The following MYO5B variants were observed in gnomAD, a reference collection of about 807,000 sequenced individuals.
MYO5B encodes the protein unconventional myosin-Vb.
Under a neutral mutation model 229.3 loss-of-function variants are expected in MYO5B, and 143 were observed. That is an observed-to-expected ratio of 0.62 (90% confidence interval 0.54 to 0.72). MYO5B has a LOEUF of 0.72. Ranked by LOEUF, MYO5B falls within the 30% of genes least tolerant of loss-of-function variation. The pLI, the probability that MYO5B is intolerant of heterozygous loss-of-function variation, is 0.00. For missense variants in MYO5B, 2,321 were observed against 2,331.0 expected (o/e 1.00, Z 0.09); for synonymous variants, 918 against 885.2 (o/e 1.04, Z -0.66).
intron 1 of MYO5B, among the ~76,000 whole-genome samples, chr18:50,075,944 G>T (rs1156705661): frequency 6.6e-6 from 1 of 152,212 alleles, no homozygotes; most frequent in East Asian, 1.9e-4. Context: ...GCTGCAGAAT[G>T]ATCAGAAGGG....
intron 4 of MYO5B, among the ~76,000 whole-genome samples, chr18:50,001,833 C>T (rs1333735309): frequency 1.3e-5 from 2 of 151,936 alleles, no homozygotes; most frequent in Non-Finnish European, 2.9e-5. Context: ...AGTTCGAGGC[C>T]ATCCTGGCTA....
At chr18:49,903,120 T>C (rs899401568) in intron 20 of MYO5B, among the ~76,000 whole-genome samples, 5 of 152,156 alleles carry the variant, frequency 3.3e-5, no homozygotes, top group African/African-American at 9.7e-5. Flanking sequence ...AACCTCAAGG[T>C]TGTAGGGGCC....
At chr18:50,003,790 A>C (rs1431580218) in intron 4 of MYO5B, among the ~76,000 whole-genome samples, 1 of 152,242 alleles carries the variant, frequency 6.6e-6, no homozygotes, top group Non-Finnish European at 1.5e-5. Flanking sequence ...GAATGTATCT[A>C]AGCCTTGATC....
At chr18:49,828,521 A>T (rs893525027) in intron 39 of MYO5B, among the ~76,000 whole-genome samples, 8 of 152,200 alleles carry the variant, frequency 5.3e-5, no homozygotes, top group Non-Finnish European at 1.2e-4. Flanking sequence ...TCATGGATAG[A>T]ACCAGATAGA....
At chr18:50,085,290 T>C (rs2031306888) in intron 1 of MYO5B, among the ~76,000 whole-genome samples, 1 of 152,136 alleles carries the variant, frequency 6.6e-6, no homozygotes, top group South Asian at 2.1e-4. Flanking sequence ...AAGACATTTA[T>C]GCAGCCAAAA....
intron 16 of MYO5B, among the ~76,000 whole-genome samples, chr18:49,932,363 G>C (rs1430050913): frequency 6.6e-6 from 1 of 152,170 alleles, no homozygotes; most frequent in African/African-American, 2.4e-5. Flanking sequence ...CCTGGAGCTG[G>C]TCCCCAGAAG....
At chr18:49,931,153 A>G (rs1598890841) in intron 16 of MYO5B, among the ~76,000 whole-genome samples, 1 of 152,278 alleles carries the variant, frequency 6.6e-6, no homozygotes, top group South Asian at 2.1e-4. Context: ...ATGGTGCTTG[A>G]TAGATGGTGC....
rs576118801 is a variant in MYO5B at position 49,934,838 on chromosome 18, C to A, written c.2003+1414G>T. On this transcript the variant is annotated intron_variant, in intron 16 of 39. Transcript: ENST00000285039. ...TGGAAGCCAAGCTTTATTACATGAC[C>A]AGAGTGTAGAAGGCAGTTCAGATAT... 2.2e-4 allele frequency among the ~76,000 whole-genome samples: 34 copies of A among 152,278 alleles called. 1 individual carries two copies. In the South Asian group the frequency reaches 6.4e-3, roughly 29 times the overall value.
rs373441927 is a variant in MYO5B, at chr18:49,827,581, G to T, written c.5395-958C>A. ...TAACCGCAGACTTGAGCAGGCAGAA[G>T]AAAATCAGTGAATTTGAAGATAAAG... On this transcript the variant is annotated intron_variant, in intron 39 of 39. Coordinates refer to ENST00000285039, the MANE Select transcript of MYO5B (RefSeq NM_001080467.3). 2.0e-4 allele frequency among the ~76,000 whole-genome samples: 30 copies of T among 152,166 alleles called. No individual in the cohort carries two copies. The East Asian group carries it at 4.4e-3, about 23-fold the overall frequency.
chr18:50,098,112 A>G (rs2031588363), intron 1 of MYO5B, among the ~76,000 whole-genome samples: 1 of 152,204 alleles, frequency 6.6e-6, no homozygotes, highest in African/African-American at 2.4e-5. Flanking sequence ...TCCCTTCGAA[A>G]TAAAATATTT....
rs558969751 is a variant in MYO5B at position 50,021,406 on chromosome 18, G to A, written c.455+15444C>T. Among the ~76,000 whole-genome samples, 185 of 152,260 alleles carry A rather than the reference G, an allele frequency of 1.2e-3. 2 individuals are homozygous for A. The highest frequency in any genetic ancestry group is 4.2e-3 in the African/African-American group (176 of 41,552). ...CACTAGTTCTGCCACTCACGAACTC[G>A]GTGCCTTTGGCCATCACTCTACCTC... On this transcript the variant is annotated intron_variant, in intron 4 of 39. Coordinates refer to ENST00000285039, the MANE Select transcript of MYO5B (RefSeq NM_001080467.3).
chr18:50,047,257 A>T (rs1045071421), intron 2 of MYO5B, among the ~76,000 whole-genome samples: 24 of 150,160 alleles, frequency 1.6e-4, no homozygotes, highest in Middle Eastern at 3.5e-3. Context: ...AAAACAAACA[A>T]CCCCATCAAA....
At chr18:50,102,871 C>T (rs1256188665) in intron 1 of MYO5B, among the ~76,000 whole-genome samples, 1 of 152,178 alleles carries the variant, frequency 6.6e-6, no homozygotes, top group Non-Finnish European at 1.5e-5. Context: ...CCAGCCTCAG[C>T]CCATAAGAGA....
Position 50,023,309 on chromosome 18 carries a change from A to G in MYO5B, c.455+13541T>C, listed in dbSNP as rs528677627. Among the ~76,000 whole-genome samples, 11 of 152,250 alleles carry G rather than the reference A, an allele frequency of 7.2e-5. No homozygotes were observed. In the East Asian group the frequency reaches 2.1e-3, roughly 29 times the overall value. The stretch of plus-strand genomic sequence containing the variant: ...CTGCCACTTAGCCTACATGACCTAG[A>G]CAAGTTTTTGAACTGCAGTGGGCCC... On this transcript the variant is annotated intron_variant, in intron 4 of 39. Coordinates refer to ENST00000285039, the MANE Select transcript of MYO5B (RefSeq NM_001080467.3).
At chr18:49,984,594 G>A in intron 8 of MYO5B, 124 bp downstream of exon 8, 2 of 767,246 alleles carry the variant, frequency 2.6e-6, no homozygotes, top group East Asian at 2.6e-5. Flanking sequence ...TTCACCAGGG[G>A]CAAGAGGGCA....
chr18:50,097,539 GAAC>G (rs2031575831), intron 1 of MYO5B: 1 of 281,222 alleles, frequency 3.6e-6, no homozygotes, highest in Non-Finnish European at 7.0e-6. Context: ...TGACTTCACT[GAAC>G]AACAACACTC....
chr18:49,840,367 C>T (rs1018700837), intron 35 of MYO5B: 11 of 152,308 alleles, frequency 7.2e-5, no homozygotes, highest in African/African-American at 2.6e-4. Context: ...TAAAAGCAGG[C>T]CATCAAATGA....
At chr18:50,116,307 A>G (rs1379355145) in intron 1 of MYO5B, among the ~76,000 whole-genome samples, 1 of 152,128 alleles carries the variant, frequency 6.6e-6, no homozygotes, top group Non-Finnish European at 1.5e-5. Context: ...TCACTAGTCA[A>G]CAGTCATCAC....
chr18:49,929,413 T>C lies in MYO5B; in HGVS notation c.2090+99A>G, dbSNP rs2298627. Reference sequence around the variant, plus strand: ...AATGTTTGGGAACCGTTTTGAAGGATCTGTTTCTGGCCGACGGTACACAGA... The same window carrying C: ...AATGTTTGGGAACCGTTTTGAAGGACCTGTTTCTGGCCGACGGTACACAGA... On this transcript the variant is annotated intron_variant, in intron 17 of 39. Transcript: ENST00000285039. The C allele has an allele frequency of 0.072, 66,655 of 922,706 alleles. 6,035 individuals are homozygous for C. Among genetic ancestry groups the C allele is most frequent in the East Asian group, 0.36 (13,900 of 38,174 alleles). 57.2% of individuals were successfully genotyped at this position (922,706 alleles called of 1,614,324 possible).
Sources: gnomAD v4.1 joint callset for allele counts (sites outside exome capture counted in the v4.1 genomes callset) on GRCh38, gnomAD v4.1.1 for gene constraint, MANE v1.5 for transcripts, NCBI Gene and HGNC (gene_info 2026-07-23, HGNC 2026-07-21) for gene names.